Variants in KCND2 observed in about 807,000 individuals in gnomAD.
KCND2 encodes the protein A-type voltage-gated potassium channel KCND2.
Under a neutral mutation model 54.4 loss-of-function variants are expected in KCND2, and 16 were observed. That is an observed-to-expected ratio of 0.29 (90% CI 0.20 to 0.45). The LOEUF is 0.45. Ranked by LOEUF, KCND2 falls within the 20% of genes least tolerant of loss-of-function variation. KCND2 has a pLI of 1.00. For synonymous variants in KCND2, 317 were observed against 310.7 expected (o/e 1.02, Z -0.21); for missense variants, 486 against 824.2 (o/e 0.59, Z 5.02).
chr7:120,598,979 T>G (rs1317556286), intron 1 of KCND2, among the ~76,000 whole-genome samples: 1 of 152,184 alleles, frequency 6.6e-6, no homozygotes, highest in Non-Finnish European at 1.5e-5. Context: ...AGGTAGCCGA[T>G]CCATTTTGAG....
chr7:120,599,863 A>C (rs1997229), intron 1 of KCND2, among the ~76,000 whole-genome samples: 140,730 of 151,946 alleles, frequency 0.93, 65,752 homozygotes, highest in Middle Eastern at 0.99. Context: ...ACATTTTTGC[A>C]TTATTTCTGA....
chr7:120,381,796 A>C (rs995592334), intron 1 of KCND2, among the ~76,000 whole-genome samples: 2 of 152,118 alleles, frequency 1.3e-5, no homozygotes, highest in Non-Finnish European at 2.9e-5. Flanking sequence ...GAATATTTCT[A>C]GTAAAAAGTC....
At chr7:120,357,281 A>G (rs375353203) in intron 1 of KCND2, among the ~76,000 whole-genome samples, 1 of 152,150 alleles carries the variant, frequency 6.6e-6, no homozygotes, top group Non-Finnish European at 1.5e-5. Context: ...GAAGACCAAT[A>G]TATACAGTTA....
chr7:120,468,788 T>C (rs1357081973), intron 1 of KCND2, among the ~76,000 whole-genome samples: 1 of 152,112 alleles, frequency 6.6e-6, no homozygotes, highest in Non-Finnish European at 1.5e-5. Context: ...CTGAGAAATG[T>C]GCAATAAACA....
chr7:120,470,007 T>C (rs1308922907), intron 1 of KCND2, among the ~76,000 whole-genome samples: 1 of 152,110 alleles, frequency 6.6e-6, no homozygotes, highest in Non-Finnish European at 1.5e-5. Flanking sequence ...TGGCTAGTAA[T>C]TTATCTCTGA....
intron 1 of KCND2, among the ~76,000 whole-genome samples, chr7:120,460,557 C>CA (rs1802268931): frequency 7.3e-6 from 1 of 136,448 alleles, no homozygotes; most frequent in Non-Finnish European, 1.5e-5. Flanking sequence ...CCCACCACGG[C>CA]CTTTTTTTTT....
intron 1 of KCND2, among the ~76,000 whole-genome samples, chr7:120,650,075 A>G (rs956515237): frequency 1.7e-4 from 26 of 151,548 alleles, no homozygotes; most frequent in Non-Finnish European, 3.7e-4. Flanking sequence ...AACTTTGGTG[A>G]ATCTGACAAT....
chr7:120,534,746 T>G (rs1791884293), intron 1 of KCND2, among the ~76,000 whole-genome samples: 1 of 152,156 alleles, frequency 6.6e-6, no homozygotes, highest in Non-Finnish European at 1.5e-5. Flanking sequence ...CTTTGCAACT[T>G]TGCCATAAAT....
intron 1 of KCND2, among the ~76,000 whole-genome samples, chr7:120,532,167 CTA>C (rs1417028990): frequency 2.0e-5 from 3 of 151,932 alleles, no homozygotes; most frequent in African/African-American, 7.2e-5. Context: ...GTAGTTTTCT[CTA>C]TAATTTAAAT....
intron 1 of KCND2, among the ~76,000 whole-genome samples, chr7:120,537,557 A>T (rs1012231332): frequency 6.6e-6 from 1 of 152,248 alleles, no homozygotes; most frequent in African/African-American, 2.4e-5. Flanking sequence ...CCTAGATGGC[A>T]TCTTCTTTTA....
chr7:120,467,730 G>A (rs898164712), intron 1 of KCND2, among the ~76,000 whole-genome samples: 2 of 152,070 alleles, frequency 1.3e-5, no homozygotes, highest in African/African-American at 2.4e-5. Flanking sequence ...TGTCATCTGC[G>A]TTCAGTTTCA....
In KCND2 at chr7:120,293,359, T is replaced by C. The variant is rs1235753235; in HGVS notation, c.1115+17612T>C. Among the ~76,000 whole-genome samples, 4 of 151,926 alleles carry C rather than the reference T, an allele frequency of 2.6e-5. No individual in the cohort carries two copies. The East Asian group carries it at 7.7e-4, about 29-fold the overall frequency. On this transcript the variant is annotated intron_variant, in intron 1 of 5. Transcript: ENST00000331113. ...GCATTTGCCCAGTGCAACCAGACAT[T>C]TAAAACCCAGAAGGGAAGGAGAAGA...
chr7:120,433,451 A>G (rs1407610796), intron 1 of KCND2, among the ~76,000 whole-genome samples: 1 of 152,186 alleles, frequency 6.6e-6, no homozygotes, highest in Non-Finnish European at 1.5e-5. Flanking sequence ...TGATCTGGCC[A>G]TTTTGGCCCA....
At position 120,733,076 on chromosome 7, in the gene KCND2, A is replaced by T. The variant is rs544912428; in HGVS notation, c.1278+11A>T. On this transcript the variant is annotated intron_variant, in intron 2 of 5. Coordinates refer to ENST00000331113, the MANE Select transcript of KCND2 (RefSeq NM_012281.3). ...CGAAGGGCACAAAAGGTGCGTATTC[A>T]ACTCCGTGCAACCATGGTTTAGCAC... 3.6e-5 allele frequency: 58 copies of T among 1,613,204 alleles called. 1 individual carries two copies. In the South Asian group the frequency reaches 6.3e-4, roughly 17 times the overall value.
chr7:120,645,209 G>A (rs539304762), intron 1 of KCND2, among the ~76,000 whole-genome samples: 22 of 152,186 alleles, frequency 1.4e-4, no homozygotes, highest in Non-Finnish European at 2.6e-4. Flanking sequence ...CGTATAAGCC[G>A]GCCGCTTGAT....
intron 1 of KCND2, among the ~76,000 whole-genome samples, chr7:120,385,897 T>C (rs1044759824): frequency 6.6e-6 from 1 of 152,146 alleles, no homozygotes; most frequent in Non-Finnish European, 1.5e-5. Flanking sequence ...TTCCAGCCCA[T>C]AGTTATTTTC....
At chr7:120,491,561 A>G (rs959421139) in intron 1 of KCND2, among the ~76,000 whole-genome samples, 3 of 152,162 alleles carry the variant, frequency 2.0e-5, no homozygotes, top group Non-Finnish European at 4.4e-5. Flanking sequence ...TTTGTGGTAC[A>G]TAACAGAGCA....
intron 1 of KCND2, among the ~76,000 whole-genome samples, chr7:120,349,345 CACACAG>C (rs1281711919): frequency 1.3e-5 from 2 of 149,872 alleles, no homozygotes; most frequent in Non-Finnish European, 3.0e-5. Flanking sequence ...CACACACACA[CACACAG>C]ACACACGAGG....
rs3993713 is a variant in KCND2 at position 120,588,402 on chromosome 7, AGTGTGTGTGT to A, written c.1116-144470_1116-144461del. On this transcript the variant is annotated intron_variant, in intron 1 of 5. Coordinates refer to ENST00000331113, the MANE Select transcript of KCND2 (RefSeq NM_012281.3). ...GAATAATAGAGGGAGGCAACTGTGC[AGTGTGTGTGT>A]GTGTGTGTGTGTGTGTGTGTGTGTG... is the stretch of plus-strand genomic sequence containing the variant. Among the ~76,000 whole-genome samples, 500 of 141,400 alleles carry A rather than the reference AGTGTGTGTGT, an allele frequency of 3.5e-3. 6 individuals are homozygous for A. The highest frequency in any genetic ancestry group is 0.012 in the African/African-American group (468 of 38,060). The allele number at this position is 141,400 out of a possible 152,430, so 92.8% of individuals were successfully genotyped here.
Sources: allele counts gnomAD v4.1 joint callset (sites outside exome capture counted in the v4.1 genomes callset), GRCh38; gene constraint gnomAD v4.1.1; transcripts MANE v1.5; gene names NCBI Gene and HGNC (gene_info 2026-07-23, HGNC 2026-07-21).